The following RANBP2 variants were observed in gnomAD, a reference collection of about 807,000 sequenced individuals.
RANBP2 encodes the protein RAN binding protein 2.
Under a neutral mutation model 303.6 loss-of-function variants are expected in RANBP2, and 57 were observed. The ratio of observed to expected loss-of-function variants is 0.19; its 90% confidence interval spans 0.15 to 0.23. The LOEUF (loss-of-function observed/expected upper bound fraction) is 0.23. RANBP2 is among the 10% of genes least tolerant of loss of function. The pLI is 1.00. For synonymous variants in RANBP2, 1,167 were observed against 1,301.5 expected, an observed-to-expected ratio of 0.90 and a Z score of 2.23; for missense variants, 3,138 against 3,780.8, an observed-to-expected ratio of 0.83 and a Z score of 4.46.
chr2:109,248,309 T>C, the RANBP2 span, among the ~76,000 whole-genome samples: 1 of 152,218 alleles, frequency 6.6e-6, no homozygotes, highest in African/African-American at 2.4e-5. Flanking sequence ...GTTTTAAAAA[T>C]CTTCCCCACC....
intron 8 of RANBP2, among the ~76,000 whole-genome samples, chr2:108,747,684 C>A (rs1331888147): frequency 1.3e-5 from 2 of 152,068 alleles, no homozygotes; most frequent in African/African-American, 4.8e-5. Context: ...TGTCTTTGAT[C>A]TGGGCATCCC....
the RANBP2 span, among the ~76,000 whole-genome samples, chr2:109,657,836 C>T: frequency 2.0e-5 from 3 of 150,518 alleles, no homozygotes; most frequent in East Asian, 4.1e-4. Flanking sequence ...TCTCGTGCCT[C>T]AGCCTTCTCA....
the RANBP2 span, among the ~76,000 whole-genome samples, chr2:109,048,830 A>G: frequency 1.3e-5 from 2 of 152,182 alleles, no homozygotes; most frequent in African/African-American, 4.8e-5. Flanking sequence ...CTCATAAATT[A>G]TATACTTCTG....
the RANBP2 span, among the ~76,000 whole-genome samples, chr2:108,871,089 G>A: frequency 6.6e-6 from 1 of 152,112 alleles, no homozygotes; most frequent in Non-Finnish European, 1.5e-5. Context: ...TTTTAGACAC[G>A]TTCCTATGGT....
rs1383069036 is a variant in RANBP2 at position 108,736,735 on chromosome 2, G to T, written c.782+486G>T. On this transcript the variant is annotated intron_variant, in intron 6 of 28. Coordinates refer to ENST00000283195, the MANE Select transcript of RANBP2 (RefSeq NM_006267.5). ...TGATTTACCTTTTTTCCTAAATTTTGATTTTGAAAACCAGTGTCTCCATTT... is the reference window on the plus strand; with the variant it reads ...TGATTTACCTTTTTTCCTAAATTTTTATTTTGAAAACCAGTGTCTCCATTT... Among the ~76,000 whole-genome samples, 8 of 152,104 alleles carry T rather than the reference G, an allele frequency of 5.3e-5. No individual in the cohort carries two copies. The South Asian group carries it at 1.7e-3, about 32-fold the overall frequency.
chr2:109,449,610 C>A, the RANBP2 span: 1 of 1,262,528 alleles, frequency 7.9e-7, no homozygotes, highest in Non-Finnish European at 1.1e-6. Flanking sequence ...CAAGTGCCTG[C>A]CCCTAGATGA....
At chr2:109,561,991 C>A in the RANBP2 span, among the ~76,000 whole-genome samples, 5 of 133,756 alleles carry the variant, frequency 3.7e-5, no homozygotes, top group African/African-American at 1.3e-4. Context: ...GAATTCCTGA[C>A]CCCAAGGCCA....
chr2:108,961,668 A>G, the RANBP2 span, among the ~76,000 whole-genome samples: 1 of 152,224 alleles, frequency 6.6e-6, no homozygotes, highest in Non-Finnish European at 1.5e-5. Flanking sequence ...GTCAGAACAC[A>G]TTCATTCTGA....
At chr2:109,502,856 A>G in the RANBP2 span, 10 of 152,246 alleles carry the variant, frequency 6.6e-5, no homozygotes, top group Admixed American at 1.3e-4. Context: ...TTTCTACAAC[A>G]GTTTAGATCA....
At chr2:108,895,604 C>G in the RANBP2 span, 1 of 152,236 alleles carries the variant, frequency 6.6e-6, no homozygotes, top group Non-Finnish European at 1.5e-5. Flanking sequence ...TTCCATAGAG[C>G]ACCTCAAAGG....
intron 7 of RANBP2, among the ~76,000 whole-genome samples, chr2:108,740,928 A>C (rs1696030516): frequency 6.6e-6 from 1 of 152,056 alleles, no homozygotes; most frequent in Admixed American, 6.6e-5. Flanking sequence ...GACAAATTTG[A>C]AGAGTTTGAT....
the RANBP2 span, among the ~76,000 whole-genome samples, chr2:109,638,139 G>C: frequency 6.6e-6 from 1 of 152,204 alleles, no homozygotes; most frequent in Non-Finnish European, 1.5e-5. Flanking sequence ...AGAGATAGAG[G>C]AGGATAAAGT....
chr2:109,539,240 G>A, the RANBP2 span, among the ~76,000 whole-genome samples: 1 of 152,142 alleles, frequency 6.6e-6, no homozygotes, highest in Admixed American at 6.5e-5. Context: ...AGAGGTTGCA[G>A]TGAGCCGATA....
the RANBP2 span, among the ~76,000 whole-genome samples, chr2:109,532,885 C>A: frequency 2.6e-5 from 4 of 152,152 alleles, no homozygotes; most frequent in Non-Finnish European, 5.9e-5. Flanking sequence ...CATCTTCGGC[C>A]CCAGCTGCCT....
the RANBP2 span, among the ~76,000 whole-genome samples, chr2:109,292,353 G>T: frequency 6.6e-6 from 1 of 152,144 alleles, no homozygotes; most frequent in East Asian, 1.9e-4. Flanking sequence ...TTCAAACATG[G>T]CTGGGATCAT....
the RANBP2 span, among the ~76,000 whole-genome samples, chr2:109,344,805 G>A: frequency 2.1e-4 from 32 of 152,280 alleles, no homozygotes; most frequent in East Asian, 6.0e-3. Context: ...GGATTTCATG[G>A]CCAGAGGAGG....
chr2:109,031,577 G>A, the RANBP2 span, among the ~76,000 whole-genome samples: 1 of 152,206 alleles, frequency 6.6e-6, no homozygotes, highest in African/African-American at 2.4e-5. Flanking sequence ...GCACGGCCTG[G>A]CCCCACGTGC....
the RANBP2 span, among the ~76,000 whole-genome samples, chr2:109,207,107 A>G: frequency 6.6e-6 from 1 of 152,202 alleles, no homozygotes. Flanking sequence ...GAAGGCAGAT[A>G]GGGCTGTGTG....
the RANBP2 span, chr2:109,667,144 G>A: frequency 3.1e-6 from 4 of 1,290,088 alleles, no homozygotes; most frequent in Admixed American, 3.9e-5. Context: ...CCAATCCTGA[G>A]GCATAAGAAA....
Sources: allele counts gnomAD v4.1 joint callset (sites outside exome capture counted in the v4.1 genomes callset), GRCh38; gene constraint gnomAD v4.1.1; transcripts MANE v1.5; gene names NCBI Gene and HGNC (gene_info 2026-07-23, HGNC 2026-07-21).